The following RAD51B variants were observed in gnomAD, a reference collection of about 807,000 sequenced individuals.
RAD51B encodes the protein DNA repair protein RAD51 homolog 2.
In RAD51B, 38 loss-of-function variants were observed where a neutral mutation model predicts 42.2. The observed-to-expected ratio is 0.90, with a 90% confidence interval of 0.70 to 1.18. RAD51B has a LOEUF of 1.18. Ranked by LOEUF, RAD51B falls within the 50% of genes most tolerant of loss-of-function variation. RAD51B has a pLI of 0.00. For missense variants in RAD51B, 373 were observed against 400.7 expected (o/e 0.93, Z 0.59); for synonymous variants, 154 against 145.2 (o/e 1.06, Z -0.43).
chr14:68,175,615 T>C (rs1159050016), intron 7 of RAD51B, among the ~76,000 whole-genome samples: 1 of 152,186 alleles, frequency 6.6e-6, no homozygotes, highest in East Asian at 1.9e-4. Flanking sequence ...GTCTCACTGG[T>C]CTTGGGTTCT....
chr14:68,648,023 G>GTATATATATA lies in RAD51B; in HGVS notation c.1037-2753_1037-2744dup, dbSNP rs1398832977. Among the ~76,000 whole-genome samples the GTATATATATA allele has an allele frequency of 2.4e-4, 7 of 28,630 alleles. No individual in the cohort carries two copies. The South Asian group carries it at 5.7e-3, about 24-fold the overall frequency. 18.8% of individuals were successfully genotyped at this position (28,630 alleles called of 152,430 possible). A position where few individuals can be genotyped will look rare whatever the true frequency, so the allele number is the denominator to read the frequency against. ...ATTGAGCATATATATATATATATAC[G>GTATATATATA]TATATATATATATACACACGTATAT... On this transcript the variant is annotated intron_variant, in intron 10 of 11. Transcript: ENST00000488612.
chr14:68,285,481 G>A (rs566568058), intron 7 of RAD51B, among the ~76,000 whole-genome samples: 3 of 152,302 alleles, frequency 2.0e-5, no homozygotes, highest in Admixed American at 6.5e-5. Context: ...AGTGCCAGGC[G>A]GGTTGGTGAG....
chr14:68,087,512 A>G (rs1013931671), intron 7 of RAD51B, among the ~76,000 whole-genome samples: 2 of 152,078 alleles, frequency 1.3e-5, no homozygotes, highest in African/African-American at 4.8e-5. Flanking sequence ...TTAGAAAACC[A>G]TTCTGTTCAA....
At chr14:68,349,581 G>T (rs2082742035) in intron 8 of RAD51B, among the ~76,000 whole-genome samples, 1 of 152,112 alleles carries the variant, frequency 6.6e-6, no homozygotes, top group Non-Finnish European at 1.5e-5. Context: ...GGCCAGGCTG[G>T]TCTCGAACTC....
intron 10 of RAD51B, among the ~76,000 whole-genome samples, chr14:68,604,278 G>T (rs562470664): frequency 1.7e-5 from 2 of 118,816 alleles, no homozygotes; most frequent in African/African-American, 6.7e-5. Context: ...ACAAGGCCAC[G>T]CCAATGAAGT....
In RAD51B at chr14:68,429,024, G is replaced by A. The variant is rs140686395; in HGVS notation, c.957+17497G>A. Among the ~76,000 whole-genome samples the A allele has an allele frequency of 9.3e-4, 141 of 151,404 alleles. 3 individuals are homozygous for A. In the East Asian group the frequency reaches 0.025, roughly 27 times the overall value. On this transcript the variant is annotated intron_variant, in intron 9 of 10. Coordinates refer to ENST00000471583, the MANE Select transcript of RAD51B (RefSeq NM_133510.4). ...GCAGTGTTTGGTTTTTTGTCCTTGC[G>A]ATAGTTTGCTGAGCATGATGGTTTC...
chr14:67,828,487 G>A (rs2040910314), intron 3 of RAD51B, among the ~76,000 whole-genome samples: 2 of 151,960 alleles, frequency 1.3e-5, no homozygotes, highest in Non-Finnish European at 2.9e-5. Flanking sequence ...AGTTTAATTA[G>A]ATCCCACTTG....
At chr14:68,176,993 G>A (rs1337143168) in intron 7 of RAD51B, among the ~76,000 whole-genome samples, 1 of 152,052 alleles carries the variant, frequency 6.6e-6, no homozygotes, top group Non-Finnish European at 1.5e-5. Flanking sequence ...CATCAAATTT[G>A]CCATCCACAA....
chr14:68,363,256 C>T (rs1484787951), intron 8 of RAD51B, among the ~76,000 whole-genome samples: 2 of 152,138 alleles, frequency 1.3e-5, no homozygotes, highest in African/African-American at 2.4e-5. Flanking sequence ...TATCGATAAA[C>T]AGAATTTTTG....
chr14:68,364,194 C>A (rs758963421), intron 8 of RAD51B, among the ~76,000 whole-genome samples: 1 of 152,182 alleles, frequency 6.6e-6, no homozygotes, highest in Non-Finnish European at 1.5e-5. Context: ...CCCCTCTGAT[C>A]CCTGACTACC....
At chr14:68,195,821 T>A (rs1213624103) in intron 7 of RAD51B, among the ~76,000 whole-genome samples, 1 of 142,740 alleles carries the variant, frequency 7.0e-6, no homozygotes, top group East Asian at 2.1e-4. Flanking sequence ...GGCAGGAGAA[T>A]CCCTTGAACC....
intron 8 of RAD51B, among the ~76,000 whole-genome samples, chr14:68,361,718 C>G (rs2083028577): frequency 6.6e-6 from 1 of 152,136 alleles, no homozygotes; most frequent in South Asian, 2.1e-4. Flanking sequence ...CTCTGTCACC[C>G]AGGCTGGAGT....
At chr14:68,519,376 A>G (rs1027165222) in intron 10 of RAD51B, among the ~76,000 whole-genome samples, 2 of 152,232 alleles carry the variant, frequency 1.3e-5, no homozygotes, top group Non-Finnish European at 2.9e-5. Flanking sequence ...CAAGTCCCTG[A>G]GGTTATTAAT....
intron 7 of RAD51B, among the ~76,000 whole-genome samples, chr14:68,282,248 G>C (rs1475328809): frequency 6.6e-6 from 1 of 152,168 alleles, no homozygotes; most frequent in African/African-American, 2.4e-5. Flanking sequence ...CTCCCAAAAT[G>C]CTGGGATTAC....
intron 7 of RAD51B, among the ~76,000 whole-genome samples, chr14:68,114,935 A>G (rs1204253187): frequency 6.6e-6 from 1 of 151,648 alleles, no homozygotes; most frequent in Non-Finnish European, 1.5e-5. Context: ...GAACACTTTT[A>G]CACTGTTGGT....
At chr14:68,354,222 T>G (rs1566828194) in intron 8 of RAD51B, among the ~76,000 whole-genome samples, 1 of 146,246 alleles carries the variant, frequency 6.8e-6, no homozygotes, top group Non-Finnish European at 1.5e-5. Flanking sequence ...TTTGGTTTTT[T>G]TTTTTTTTTT....
intron 7 of RAD51B, among the ~76,000 whole-genome samples, chr14:68,080,524 G>A (rs746506089): frequency 2.6e-5 from 4 of 152,166 alleles, no homozygotes; most frequent in Non-Finnish European, 4.4e-5. Context: ...CATGTAATAT[G>A]AGAGGTGTCC....
Position 68,575,110 on chromosome 14 carries a change from C to T in RAD51B, c.1037-19375C>T, listed in dbSNP as rs145258339. On this transcript the variant is annotated intron_variant, in intron 10 of 10. Coordinates refer to the RAD51B transcript ENST00000487270. ...ATACCAAGTACCATTTCCTGCATGC[C>T]TTTTGCAGGCCAGGCATTGTGCCAA... Among the ~76,000 whole-genome samples, 16 of 152,318 alleles carry T rather than the reference C, an allele frequency of 1.1e-4. No individual in the cohort carries two copies. In the East Asian group the frequency reaches 3.1e-3, roughly 29 times the overall value.
chr14:68,301,599 T>G (rs1450128674), intron 8 of RAD51B, among the ~76,000 whole-genome samples: 13 of 138,374 alleles, frequency 9.4e-5, no homozygotes, highest in East Asian at 2.0e-4. Context: ...TGTGTTTTTT[T>G]TTTTTTTTTT....
Sources: allele counts gnomAD v4.1 joint callset (sites outside exome capture counted in the v4.1 genomes callset), GRCh38; gene constraint gnomAD v4.1.1; transcripts MANE v1.5; gene names NCBI Gene and HGNC (gene_info 2026-07-23, HGNC 2026-07-21).